PDE1A: variants seen among roughly 807,000 people sequenced by gnomAD.
PDE1A encodes dual specificity calcium/calmodulin-dependent 3',5'-cyclic nucleotide phosphodiesterase 1A.
A neutral mutation model predicts 61.7 loss-of-function variants in PDE1A; 35 were observed. The observed-to-expected ratio is 0.57, with a 90% CI of 0.43 to 0.75. PDE1A has a LOEUF of 0.75. Among genes scored for constraint, PDE1A ranks in the 30% least tolerant of loss-of-function variants. The probability of loss-of-function intolerance (pLI) is 0.00; values close to 1 mark genes in which losing one functional copy is unlikely to be tolerated. For synonymous variants in PDE1A, 232 were observed against 213.2 expected, an observed-to-expected ratio of 1.09 and a Z score of -0.77; for missense variants, 597 against 630.6, an observed-to-expected ratio of 0.95 and a Z score of 0.57.
intron 2 of PDE1A, among the ~76,000 whole-genome samples, chr2:182,457,288 C>T (rs1046990310): frequency 2.0e-5 from 3 of 151,872 alleles, no homozygotes; most frequent in African/African-American, 2.4e-5. Context: ...ATTTTATTGA[C>T]CTTGTCATGA....
intron 1 of PDE1A, among the ~76,000 whole-genome samples, chr2:182,307,637 T>C (rs2623410): frequency 0.93 from 141,509 of 152,150 alleles, 66,380 homozygotes; most frequent in East Asian, 0.99. Context: ...TGAGATATCG[T>C]CACAAGCCTG....
chr2:182,171,532 G>C (rs1408501454), intron 13 of PDE1A, among the ~76,000 whole-genome samples: 1 of 151,832 alleles, frequency 6.6e-6, no homozygotes, highest in Non-Finnish European at 1.5e-5. Flanking sequence ...AGGAACGGAA[G>C]CCTATAGGTT....
intron 6 of PDE1A, among the ~76,000 whole-genome samples, chr2:182,225,370 C>T (rs959989216): frequency 2.0e-5 from 3 of 151,824 alleles, no homozygotes; most frequent in African/African-American, 7.2e-5. Context: ...ATTGTAGGTC[C>T]ATGAGTCAAA....
chr2:182,416,148 A>G (rs910442484), intron 1 of PDE1A, among the ~76,000 whole-genome samples: 2 of 152,228 alleles, frequency 1.3e-5, no homozygotes, highest in African/African-American at 4.8e-5. Context: ...TAACAGATGT[A>G]TAAAATTAAA....
chr2:182,493,292 T>C (rs1213119500), intron 2 of PDE1A, among the ~76,000 whole-genome samples: 1 of 151,524 alleles, frequency 6.6e-6, no homozygotes, highest in East Asian at 1.9e-4. Flanking sequence ...TCTTTTTTTA[T>C]ATATATATAC....
At chr2:182,208,593 C>T (rs1687313417) in intron 7 of PDE1A, among the ~76,000 whole-genome samples, 1 of 152,180 alleles carries the variant, frequency 6.6e-6, no homozygotes, top group African/African-American at 2.4e-5. Context: ...ACAGCTTGCA[C>T]TGTGCACATG....
chr2:182,387,020 T>C (rs535364619), intron 1 of PDE1A, among the ~76,000 whole-genome samples: 3 of 152,366 alleles, frequency 2.0e-5, no homozygotes, highest in African/African-American at 7.2e-5. Context: ...GGATTATTGC[T>C]GTGTCTGTGT....
the PDE1A span, among the ~76,000 whole-genome samples, chr2:182,531,097 A>C: frequency 6.6e-6 from 1 of 152,060 alleles, no homozygotes; most frequent in Admixed American, 6.5e-5. Flanking sequence ...AGTGATATCA[A>C]AAGGAACTAT....
chr2:182,275,443 T>A (rs1368063321), intron 1 of PDE1A, among the ~76,000 whole-genome samples: 1 of 152,120 alleles, frequency 6.6e-6, no homozygotes, highest in Non-Finnish European at 1.5e-5. Context: ...AAGCAAGGAA[T>A]AGATCACAGG....
At chr2:182,200,025 T>C (rs915946912) in intron 10 of PDE1A, among the ~76,000 whole-genome samples, 36 of 152,146 alleles carry the variant, frequency 2.4e-4, no homozygotes, top group Non-Finnish European at 4.7e-4. Flanking sequence ...CATAGTAATA[T>C]ATTTGGTGTT....
the PDE1A span, among the ~76,000 whole-genome samples, chr2:182,592,112 G>C: frequency 1.3e-5 from 2 of 152,076 alleles, no homozygotes; most frequent in African/African-American, 4.8e-5. Context: ...CTCTAATTTC[G>C]ATGCCAGCTT....
At chr2:182,484,453 G>A (rs555161403) in intron 2 of PDE1A, among the ~76,000 whole-genome samples, 4 of 152,134 alleles carry the variant, frequency 2.6e-5, no homozygotes, top group African/African-American at 9.6e-5. Context: ...TACAGGAACA[G>A]GCGAAGACTT....
intron 2 of PDE1A, among the ~76,000 whole-genome samples, chr2:182,259,494 T>C (rs1290679035): frequency 6.6e-6 from 1 of 152,218 alleles, no homozygotes; most frequent in Non-Finnish European, 1.5e-5. Flanking sequence ...ATTATTTAAA[T>C]TTTACTCTTA....
chr2:182,211,800 T>C (rs1357238412), intron 7 of PDE1A, among the ~76,000 whole-genome samples: 1 of 152,246 alleles, frequency 6.6e-6, no homozygotes, highest in Admixed American at 6.5e-5. Flanking sequence ...CAAATTACAT[T>C]TGTTTATTGC....
intron 7 of PDE1A, among the ~76,000 whole-genome samples, chr2:182,210,344 T>C (rs1019989966): frequency 6.6e-6 from 1 of 152,194 alleles, no homozygotes; most frequent in Non-Finnish European, 1.5e-5. Context: ...TTAATAGATG[T>C]GTATTGCCTA....
chr2:182,327,445 T>A (rs11683479), intron 1 of PDE1A, among the ~76,000 whole-genome samples: 55,541 of 151,968 alleles, frequency 0.37, 12,225 homozygotes, highest in Non-Finnish European at 0.48. Context: ...AGTAAAGAGG[T>A]CAGCATGGCC....
chr2:182,190,336 A>G (rs1685584257), intron 10 of PDE1A, among the ~76,000 whole-genome samples: 1 of 152,158 alleles, frequency 6.6e-6, no homozygotes, highest in African/African-American at 2.4e-5. Context: ...GATAATAATA[A>G]CACTATTTCC....
chr2:182,564,075 A>G, the PDE1A span, among the ~76,000 whole-genome samples: 19 of 152,104 alleles, frequency 1.2e-4, no homozygotes, highest in African/African-American at 2.9e-4. Flanking sequence ...ATATTGTTAT[A>G]TGTGAATTTG....
exon 11 of PDE1A, chr2:182,189,011 C>T (rs755544824): frequency 8.7e-6 from 14 of 1,612,872 alleles, no homozygotes; most frequent in Admixed American, 1.7e-5. Context: ...GGTTGACTTC[C>T]GATCACAAAG....
Sources: allele counts gnomAD v4.1 joint callset (sites outside exome capture counted in the v4.1 genomes callset), GRCh38; gene constraint gnomAD v4.1.1; transcripts MANE v1.5; gene names NCBI Gene and HGNC (gene_info 2026-07-23, HGNC 2026-07-21).